The following KIF13A variants were observed in gnomAD, a reference collection of about 807,000 sequenced individuals.
KIF13A encodes kinesin family member 13A.
A neutral mutation model predicts 212.2 loss-of-function variants in KIF13A; 79 were observed. The observed-to-expected ratio is 0.37, with a 90% CI of 0.31 to 0.45. The LOEUF is 0.45. Ranked by LOEUF, KIF13A falls within the 20% of genes least tolerant of loss-of-function variation. KIF13A has a pLI of 1.00. For missense variants in KIF13A, 1,901 were observed against 2,209.0 expected (o/e 0.86, Z 2.79); for synonymous variants, 789 against 808.6 (o/e 0.98, Z 0.41).
At chr6:17,795,302 G>C (rs1454276324) in intron 23 of KIF13A, among the ~76,000 whole-genome samples, 1 of 152,052 alleles carries the variant, frequency 6.6e-6, no homozygotes, top group East Asian at 1.9e-4. Flanking sequence ...CATCGTATAG[G>C]CTGGGTGTGG....
rs1417125307 is a variant in KIF13A, at chr6:17,934,107, T to C, written c.147-35927A>G. 6.6e-6 allele frequency among the ~76,000 whole-genome samples: 1 copy of C among 152,126 alleles called. No individual in the cohort carries two copies. Among genetic ancestry groups the C allele is most frequent in the Non-Finnish European group, 1.5e-5 (1 of 68,036 alleles). ...TTTGAAGAATGCGAAAAAGTAAACA[T>C]TTAAGTTGAAAAGAATAAAAAGACA... On this transcript the variant is annotated intron_variant, in intron 2 of 38. Coordinates refer to ENST00000259711, the MANE Select transcript of KIF13A (RefSeq NM_022113.6). This position sits in a 1 kb window ranked among gnomAD's most constrained non-coding sequence, Gnocchi z 5.4.
At chr6:17,949,840 C>T (rs188077483) in intron 2 of KIF13A, among the ~76,000 whole-genome samples, 81 of 152,096 alleles carry the variant, frequency 5.3e-4, no homozygotes, top group African/African-American at 1.8e-3. Flanking sequence ...ACTAAGAGGT[C>T]TTCTAAACAG....
At chr6:17,775,643 A>G (rs1435534059) in intron 34 of KIF13A, among the ~76,000 whole-genome samples, 1 of 152,164 alleles carries the variant, frequency 6.6e-6, no homozygotes. Context: ...TTTTGGTGAT[A>G]GCTGTATTCA....
chr6:17,935,978 C>T (rs969148227), intron 2 of KIF13A, among the ~76,000 whole-genome samples: 5 of 151,844 alleles, frequency 3.3e-5, no homozygotes, highest in Non-Finnish European at 5.9e-5. Context: ...TTTTTCTTAA[C>T]GAAAAGACAG....
In KIF13A at chr6:17,780,756, T is replaced by A. The variant is rs1448485038; in HGVS notation, c.3820A>T (p.Ile1274Phe). The A allele has an allele frequency of 1.2e-6, 2 of 1,613,898 alleles. No individual in the cohort carries two copies. The highest frequency in any genetic ancestry group is 2.2e-5 in the South Asian group (2 of 91,076). Residue 1274 changes from isoleucine (I) to phenylalanine (F), a missense_variant, in exon 31 of 39, where the codon ATT becomes TTT. Coordinates refer to ENST00000259711, the MANE Select transcript of KIF13A (RefSeq NM_022113.6). ...AAMELVLRKR[I>F]AANIYNKQSF... is the part of the protein sequence containing the mutation. ...TGTTTGTTGTAAATATTGGCTGCAA[T>A]TCGTTTTCGTAATACTAACTCCATA...
At position 17,773,409 on chromosome 6, in the gene KIF13A, A is replaced by G; in HGVS notation, c.4324+69T>C. 1 of 886,878 alleles carries G rather than the reference A, an allele frequency of 1.1e-6. No individual in the cohort carries two copies. Among genetic ancestry groups the G allele is most frequent in the South Asian group, 1.5e-5 (1 of 68,276 alleles). 54.9% of individuals were successfully genotyped at this position (886,878 alleles called of 1,614,324 possible). On this transcript the variant is annotated intron_variant, in intron 36 of 38. Coordinates refer to ENST00000259711, the MANE Select transcript of KIF13A (RefSeq NM_022113.6). This position sits in a 1 kb window ranked among gnomAD's most constrained non-coding sequence, Gnocchi z 4.2. ...ATATCTTATTATATGCCATTAATGA[A>G]AGACATTTTTTCATACTTTTTCTAA...
In KIF13A at chr6:17,849,621, G is replaced by C; in HGVS notation, c.718-132C>G. The C allele has an allele frequency of 1.8e-6, 1 of 558,536 alleles. No individual in the cohort carries two copies. Among genetic ancestry groups the C allele is most frequent in the South Asian group, 2.6e-5 (1 of 39,206 alleles). 34.6% of individuals were successfully genotyped at this position (558,536 alleles called of 1,614,324 possible). A position where few individuals can be genotyped will look rare whatever the true frequency, so the allele number is the denominator to read the frequency against. ...TGGCAAATTTCTTAAGTTTTTAAAC[G>C]GTCAGAAGAGTTATTTGAACCAGCA... On this transcript the variant is annotated intron_variant, in intron 8 of 38. Transcript: ENST00000259711. The surrounding 1 kb of genome is among the most constrained non-coding windows in gnomAD (Gnocchi z 5.7).
At chr6:17,887,242 C>A (rs1174135495) in intron 3 of KIF13A, among the ~76,000 whole-genome samples, 1 of 152,050 alleles carries the variant, frequency 6.6e-6, no homozygotes, top group Non-Finnish European at 1.5e-5. Context: ...AATCTGGAGC[C>A]CAGATTGAAG....
At chr6:17,936,698 A>G (rs1299299945) in intron 2 of KIF13A, among the ~76,000 whole-genome samples, 1 of 152,232 alleles carries the variant, frequency 6.6e-6, no homozygotes, top group Non-Finnish European at 1.5e-5. Flanking sequence ...CAAGTTAACA[A>G]ACATCATAAA....
In KIF13A at chr6:17,926,633, T is replaced by A. The variant is rs1027584119; in HGVS notation, c.147-28453A>T. The stretch of plus-strand genomic sequence containing the variant: ...CTAGAAGGCATCCCCAATTATATAC[T>A]CACTGGAAAAGCATCGGACTAATAA... On this transcript the variant is annotated intron_variant, in intron 2 of 38. Transcript: ENST00000259711. This position sits in a 1 kb window ranked among gnomAD's most constrained non-coding sequence, Gnocchi z 4.3. Among the ~76,000 whole-genome samples the A allele has an allele frequency of 3.1e-5, 4 of 130,624 alleles. No homozygotes were observed. Among genetic ancestry groups the A allele is most frequent in the African/African-American group, 1.1e-4 (4 of 35,914 alleles). 85.7% of individuals were successfully genotyped at this position (130,624 alleles called of 152,430 possible).
rs1014737287 is a variant in KIF13A, at chr6:17,809,501, T to C, written c.2001-571A>G. Among the ~76,000 whole-genome samples the C allele has an allele frequency of 3.9e-5, 6 of 152,240 alleles. No individual in the cohort carries two copies. Among genetic ancestry groups the C allele is most frequent in the Non-Finnish European group, 7.3e-5 (5 of 68,042 alleles). ...ATATGTTCTCTCAGCCCCATGCCTT[T>C]AGCCTCCATAGCATTTGCCATAGTT... On this transcript the variant is annotated intron_variant, in intron 17 of 38. Coordinates refer to ENST00000259711, the MANE Select transcript of KIF13A (RefSeq NM_022113.6). The surrounding 1 kb of genome is among the most constrained non-coding windows in gnomAD (Gnocchi z 4.7).
chr6:17,858,337 G>C (rs12214330), intron 4 of KIF13A, among the ~76,000 whole-genome samples: 28,498 of 152,056 alleles, frequency 0.19, 2,941 homozygotes, highest in South Asian at 0.31. Context: ...TAAACACCCA[G>C]GTCTGTTGTG....
rs746541771 is a variant in KIF13A at position 17,785,467 on chromosome 6, G to A, written c.3488+48C>T. ...CTCTTGCATGGCTCTTGCCACAGGC[G>A]ACCTGTACCATCTCCCCAGGTCTGC... On this transcript the variant is annotated intron_variant, in intron 28 of 38. Coordinates refer to ENST00000259711, the MANE Select transcript of KIF13A (RefSeq NM_022113.6). The surrounding 1 kb of genome is among the most constrained non-coding windows in gnomAD (Gnocchi z 5.8). 7 of 1,461,368 alleles carry A rather than the reference G, an allele frequency of 4.8e-6. No homozygotes were observed. The highest frequency in any genetic ancestry group is 6.3e-6 in the Non-Finnish European group (7 of 1,108,766). The allele number at this position is 1,461,368 out of a possible 1,614,324, so 90.5% of individuals were successfully genotyped here. A position where few individuals can be genotyped will look rare whatever the true frequency, so the allele number is the denominator to read the frequency against.
intron 4 of KIF13A, among the ~76,000 whole-genome samples, chr6:17,863,162 T>C (rs1470952991): frequency 6.6e-6 from 1 of 152,088 alleles, no homozygotes; most frequent in Non-Finnish European, 1.5e-5. Flanking sequence ...GAACCAATTA[T>C]CGCTATTTTT....
intron 20 of KIF13A, among the ~76,000 whole-genome samples, chr6:17,801,714 A>G (rs541979468): frequency 6.6e-6 from 1 of 152,128 alleles, no homozygotes; most frequent in East Asian, 1.9e-4. Flanking sequence ...CGCAGCTTTT[A>G]TTCTCTTGAG....
intron 2 of KIF13A, among the ~76,000 whole-genome samples, chr6:17,928,125 T>C (rs1775655064): frequency 6.6e-6 from 1 of 152,224 alleles, no homozygotes; most frequent in South Asian, 2.1e-4. Context: ...GGTTTAAGTA[T>C]GGAAAAATAA....
chr6:17,922,633 T>C (rs1260078259), intron 2 of KIF13A, among the ~76,000 whole-genome samples: 2 of 150,014 alleles, frequency 1.3e-5, no homozygotes, highest in Admixed American at 6.6e-5. Context: ...AAGAAAGAAA[T>C]GATAACCATA....
At position 17,974,988 on chromosome 6, in the gene KIF13A, C is replaced by T. The variant is rs1342329910; in HGVS notation, c.146+12066G>A. Among the ~76,000 whole-genome samples, 3 of 152,262 alleles carry T rather than the reference C, an allele frequency of 2.0e-5. No homozygotes were observed. The East Asian group carries it at 5.8e-4, about 29-fold the overall frequency. On this transcript the variant is annotated intron_variant, in intron 2 of 38. Transcript: ENST00000259711. ...TTCTATTGGACAGTGCTGGTCTAGA[C>T]TAGTTCTCAAAGCTTGGTCCCAAGC...
chr6:17,833,966 CTA>C lies in KIF13A; in HGVS notation c.1259_1260del (p.Ile420SerfsTer9). 6.5e-7 allele frequency: 1 copy of C among 1,533,468 alleles called. No individual in the cohort carries two copies. The highest frequency in any genetic ancestry group is 8.8e-7 in the Non-Finnish European group (1 of 1,130,224). 95.0% of individuals were successfully genotyped at this position (1,533,468 alleles called of 1,614,324 possible). ...GGGCTAAATTATCAAGCTACCTGTGCTATCTCTTCTGTTTTTCTCAGCTTCTC... is the reference window on the plus strand; with the variant it reads ...GGGCTAAATTATCAAGCTACCTGTGCTCTCTTCTGTTTTTCTCAGCTTCTC... ...WEEKLRKTEEIAQERQRQLES... is the reference protein window; with the variant it reads ...WEEKLRKTEEXAQERQRQLES... On this transcript the variant is annotated frameshift_variant, in exon 12 of 39. Coordinates refer to ENST00000259711, the MANE Select transcript of KIF13A (RefSeq NM_022113.6). LOFTEE classifies it high-confidence loss of function.
Sources: gnomAD v4.1 joint callset for allele counts (sites outside exome capture counted in the v4.1 genomes callset) on GRCh38, gnomAD v4.1.1 for gene constraint, Gnocchi (gnomAD v3.1) non-coding constraint, MANE v1.5 for transcripts, NCBI Gene and HGNC (gene_info 2026-07-23, HGNC 2026-07-21) for gene names.